Variants in C7orf78 observed in about 807,000 individuals in gnomAD.
C7orf78 encodes the protein putative uncharacterized protein C7orf78.
At chr7:12,509,138 A>T in the C7orf78 span, among the ~76,000 whole-genome samples, 2 of 152,148 alleles carry the variant, frequency 1.3e-5, no homozygotes, top group Non-Finnish European at 1.5e-5. Context: ...GAACTAAAGG[A>T]TGGTATTTCT....
the C7orf78 span, among the ~76,000 whole-genome samples, chr7:12,497,079 T>C: frequency 6.6e-6 from 1 of 152,232 alleles, no homozygotes; most frequent in Admixed American, 6.5e-5. Flanking sequence ...TCTAGGAAAT[T>C]TTATATTCCG....
chr7:12,486,466 A>G, the C7orf78 span, among the ~76,000 whole-genome samples: 1 of 151,936 alleles, frequency 6.6e-6, no homozygotes, highest in Admixed American at 6.6e-5. Flanking sequence ...TATGCTAACA[A>G]TACAAGGTCA....
At chr7:12,518,719 C>T in the C7orf78 span, among the ~76,000 whole-genome samples, 1 of 152,102 alleles carries the variant, frequency 6.6e-6, no homozygotes, top group Non-Finnish European at 1.5e-5. Context: ...TGTCTGTCCT[C>T]AGGCGCCTGA....
At chr7:12,516,204 C>A in the C7orf78 span, among the ~76,000 whole-genome samples, 1 of 152,162 alleles carries the variant, frequency 6.6e-6, no homozygotes, top group Non-Finnish European at 1.5e-5. Context: ...GCCCTATGTC[C>A]CAGATGCTCC....
At chr7:12,523,779 A>C in the C7orf78 span, among the ~76,000 whole-genome samples, 2 of 152,162 alleles carry the variant, frequency 1.3e-5, no homozygotes, top group Admixed American at 6.5e-5. Flanking sequence ...TAATAAAATA[A>C]ATTTGTGGAA....
the C7orf78 span, among the ~76,000 whole-genome samples, chr7:12,510,159 T>C: frequency 9.4e-6 from 1 of 106,136 alleles, no homozygotes; most frequent in Non-Finnish European, 1.9e-5. Context: ...TGATTTTATA[T>C]CTTTGCTAAT....
At chr7:12,539,523 A>G in the C7orf78 span, among the ~76,000 whole-genome samples, 2 of 152,082 alleles carry the variant, frequency 1.3e-5, no homozygotes, top group African/African-American at 2.4e-5. Flanking sequence ...CTTAATTTGG[A>G]CAGAAGAGAG....
chr7:12,493,741 T>C, the C7orf78 span, among the ~76,000 whole-genome samples: 25,497 of 152,116 alleles, frequency 0.17, 2,555 homozygotes, highest in African/African-American at 0.28. Flanking sequence ...TAAAATGAGA[T>C]AATAAAAGTA....
At chr7:12,538,012 T>C in the C7orf78 span, among the ~76,000 whole-genome samples, 1 of 152,180 alleles carries the variant, frequency 6.6e-6, no homozygotes, top group South Asian at 2.1e-4. Context: ...TCCTTTGGTT[T>C]GAAGGAAAGG....
At chr7:12,513,440 A>G in the C7orf78 span, among the ~76,000 whole-genome samples, 1 of 151,964 alleles carries the variant, frequency 6.6e-6, no homozygotes, top group Non-Finnish European at 1.5e-5. Flanking sequence ...AGCTTTTGGT[A>G]TGTGGTATTT....
the C7orf78 span, chr7:12,522,917 T>C: frequency 5.0e-6 from 2 of 397,812 alleles, no homozygotes; most frequent in Non-Finnish European, 8.9e-6. Flanking sequence ...GAGAAAATGT[T>C]GAGTACACCA....
chr7:12,500,260 G>C, the C7orf78 span, among the ~76,000 whole-genome samples: 1 of 151,986 alleles, frequency 6.6e-6, no homozygotes, highest in Non-Finnish European at 1.5e-5. Context: ...AGAGACACAA[G>C]AAACCCTTCA....
At chr7:12,532,693 G>C in the C7orf78 span, among the ~76,000 whole-genome samples, 1 of 152,142 alleles carries the variant, frequency 6.6e-6, no homozygotes, top group Non-Finnish European at 1.5e-5. Context: ...ACGACACTTA[G>C]TACTTGCTAT....
chr7:12,528,706 G>A, the C7orf78 span, among the ~76,000 whole-genome samples: 1 of 152,214 alleles, frequency 6.6e-6, no homozygotes, highest in East Asian at 1.9e-4. Context: ...TGGAGTTGGA[G>A]TTTGAAGAAA....
the C7orf78 span, chr7:12,486,998 TA>T: frequency 2.0e-5 from 3 of 151,944 alleles, no homozygotes; most frequent in Non-Finnish European, 4.4e-5. Context: ...AACATATCTC[TA>T]AGAAGTATCC....
At chr7:12,489,731 G>C in the C7orf78 span, among the ~76,000 whole-genome samples, 6 of 152,150 alleles carry the variant, frequency 3.9e-5, no homozygotes, top group African/African-American at 1.4e-4. Context: ...AAAAACCACA[G>C]GCAAAATTGC....
chr7:12,534,106 A>T, the C7orf78 span, among the ~76,000 whole-genome samples: 1 of 152,214 alleles, frequency 6.6e-6, no homozygotes, highest in African/African-American at 2.4e-5. Context: ...CAAATCATGA[A>T]TTTTAAATAT....
the C7orf78 span, among the ~76,000 whole-genome samples, chr7:12,533,165 G>C: frequency 6.6e-6 from 1 of 152,248 alleles, no homozygotes; most frequent in Non-Finnish European, 1.5e-5. Flanking sequence ...TGGCATGGTA[G>C]TCCATCAGCA....
At chr7:12,493,437 T>A in the C7orf78 span, among the ~76,000 whole-genome samples, 1 of 152,142 alleles carries the variant, frequency 6.6e-6, no homozygotes, top group Non-Finnish European at 1.5e-5. Flanking sequence ...TGACCAGACA[T>A]CAGAATCCCC....
Sources: gnomAD v4.1 joint callset for allele counts (sites outside exome capture counted in the v4.1 genomes callset) on GRCh38, gnomAD v4.1.1 for gene constraint, MANE v1.5 for transcripts, NCBI Gene and HGNC (gene_info 2026-07-23, HGNC 2026-07-21) for gene names.